Variants in PDGFD observed in about 807,000 individuals in gnomAD.
PDGFD encodes platelet derived growth factor D.
A neutral mutation model predicts 44.7 loss-of-function variants in PDGFD; 30 were observed. The ratio of observed to expected loss-of-function variants is 0.67; its 90% CI spans 0.50 to 0.91. PDGFD has a LOEUF of 0.91. Ranked by LOEUF, PDGFD falls within the 40% of genes least tolerant of loss-of-function variation. The pLI is 0.00. For missense variants in PDGFD, 445 were observed against 457.8 expected, an observed-to-expected ratio of 0.97 and a Z score of 0.25; for synonymous variants, 173 against 168.4, an observed-to-expected ratio of 1.03 and a Z score of -0.21.
intron 3 of PDGFD, among the ~76,000 whole-genome samples, chr11:103,956,556 T>C (rs1591093696): frequency 6.6e-6 from 1 of 150,840 alleles, no homozygotes; most frequent in African/African-American, 2.5e-5. Context: ...GCACGATTTA[T>C]AGTCCTTTGG....
intron 1 of PDGFD, among the ~76,000 whole-genome samples, chr11:104,103,144 G>T (rs1861419171): frequency 6.6e-6 from 1 of 152,072 alleles, no homozygotes; most frequent in African/African-American, 2.4e-5. Context: ...CTGTGACTTA[G>T]TTTTCCCCAT....
chr11:104,119,571 TTAATA>T (rs1314215851), intron 1 of PDGFD, among the ~76,000 whole-genome samples: 1 of 92,206 alleles, frequency 1.1e-5, no homozygotes, highest in Non-Finnish European at 1.9e-5. Flanking sequence ...ATATAATATA[TTAATA>T]TAATATATTG....
At chr11:103,961,291 A>C (rs2052762166) in intron 3 of PDGFD, among the ~76,000 whole-genome samples, 1 of 152,186 alleles carries the variant, frequency 6.6e-6, no homozygotes, top group African/African-American at 2.4e-5. Context: ...AGATGTTAAT[A>C]AATATTTGTA....
At position 104,089,822 on chromosome 11, in the gene PDGFD, CAATT is replaced by C. The variant is rs373544227; in HGVS notation, c.124+73978_124+73981del. On this transcript the variant is annotated intron_variant, in intron 1 of 6. Transcript: ENST00000393158. The stretch of plus-strand genomic sequence containing the variant: ...CTCCAAGCTACATGTCAAACATAAT[CAATT>C]AGTCACAACAAATTGAACACTACTT... 8.0e-4 allele frequency among the ~76,000 whole-genome samples: 122 copies of C among 152,262 alleles called. 2 individuals carry two copies. Among genetic ancestry groups the C allele is most frequent in the African/African-American group, 2.8e-3 (115 of 41,564 alleles).
chr11:104,103,762 C>A (rs1054376293), intron 1 of PDGFD, among the ~76,000 whole-genome samples: 2 of 151,692 alleles, frequency 1.3e-5, no homozygotes, highest in African/African-American at 4.8e-5. Context: ...TACTGCCAGT[C>A]ATAAAAAAAG....
intron 1 of PDGFD, among the ~76,000 whole-genome samples, chr11:104,047,090 A>C (rs1229515885): frequency 6.8e-6 from 1 of 147,174 alleles, no homozygotes; most frequent in African/African-American, 2.5e-5. Context: ...TTATGGCTGC[A>C]TAGTATTCCA....
chr11:103,989,030 ATTAT>A (rs1859411893), intron 3 of PDGFD, among the ~76,000 whole-genome samples: 1 of 152,022 alleles, frequency 6.6e-6, no homozygotes, highest in African/African-American at 2.4e-5. Context: ...TCTTATTATT[ATTAT>A]TTTAGTATAT....
intron 3 of PDGFD, among the ~76,000 whole-genome samples, chr11:103,977,423 C>T (rs974646877): frequency 6.6e-6 from 1 of 152,110 alleles, no homozygotes; most frequent in African/African-American, 2.4e-5. Context: ...CCCTGATGAA[C>T]ATCGATGCAA....
At chr11:103,911,768 T>C (rs936911713) in intron 6 of PDGFD, among the ~76,000 whole-genome samples, 2 of 151,702 alleles carry the variant, frequency 1.3e-5, no homozygotes, top group Non-Finnish European at 2.9e-5. Flanking sequence ...GAATAATCAG[T>C]GTAGAGAAGA....
At chr11:103,941,012 C>T (rs1376873685) in intron 5 of PDGFD, among the ~76,000 whole-genome samples, 1 of 152,072 alleles carries the variant, frequency 6.6e-6, no homozygotes, top group Non-Finnish European at 1.5e-5. Flanking sequence ...GTAATATATT[C>T]CATCCCACAA....
chr11:104,095,166 T>C lies in PDGFD; in HGVS notation c.124+68638A>G, dbSNP rs368871301. Among the ~76,000 whole-genome samples the C allele has an allele frequency of 2.0e-5, 3 of 152,282 alleles. No individual in the cohort carries two copies. The East Asian group carries it at 5.8e-4, about 29-fold the overall frequency. Reference sequence around the variant, plus strand: ...CTCTGATCACCTACCAAACCTCAATTAGAATCCCCAGTATTCTTCCCTTAT... The same window carrying C: ...CTCTGATCACCTACCAAACCTCAATCAGAATCCCCAGTATTCTTCCCTTAT... On this transcript the variant is annotated intron_variant, in intron 1 of 6. Coordinates refer to ENST00000393158, the MANE Select transcript of PDGFD (RefSeq NM_025208.5).
chr11:104,101,941 G>A (rs574637574), intron 1 of PDGFD, among the ~76,000 whole-genome samples: 26 of 152,150 alleles, frequency 1.7e-4, no homozygotes, highest in African/African-American at 5.3e-4. Context: ...ATGGATTAAA[G>A]ACTTACATGT....
chr11:103,966,244 T>C (rs1275896690), intron 3 of PDGFD, among the ~76,000 whole-genome samples: 1 of 152,186 alleles, frequency 6.6e-6, no homozygotes, highest in African/African-American at 2.4e-5. Flanking sequence ...CTGCATTTAA[T>C]CACAGTGTCA....
At chr11:103,944,362 A>G (rs977220376) in intron 4 of PDGFD, among the ~76,000 whole-genome samples, 1 of 152,142 alleles carries the variant, frequency 6.6e-6, no homozygotes, top group African/African-American at 2.4e-5. Context: ...AAGCCTGGAA[A>G]GGATTATGTA....
At chr11:103,910,688 C>T (rs4755002) in intron 6 of PDGFD, among the ~76,000 whole-genome samples, 69,643 of 152,010 alleles carry the variant, frequency 0.46, 16,069 homozygotes, top group South Asian at 0.49. Flanking sequence ...GGACAGACAC[C>T]GAGCTAGCCG....
intron 1 of PDGFD, among the ~76,000 whole-genome samples, chr11:104,144,854 C>T (rs753579791): frequency 2.0e-4 from 30 of 152,132 alleles, no homozygotes; most frequent in Non-Finnish European, 3.4e-4. Context: ...ATGGCCTAAC[C>T]TACCTCTAAG....
intron 1 of PDGFD, among the ~76,000 whole-genome samples, chr11:104,115,495 CAT>C (rs1861622614): frequency 6.6e-6 from 1 of 151,796 alleles, no homozygotes; most frequent in African/African-American, 2.4e-5. Context: ...CTGGTATAAA[CAT>C]GTGTGCGCAA....
At position 104,066,810 on chromosome 11, in the gene PDGFD, T is replaced by C. The variant is rs548468691; in HGVS notation, c.125-66555A>G. ...CATAGTTCATACGATCAAATCACAC[T>C]CGGCCTTTGAAAATTAGCTTCAATA... On this transcript the variant is annotated intron_variant, in intron 1 of 6. Transcript: ENST00000393158. Among the ~76,000 whole-genome samples, 3 of 152,270 alleles carry C rather than the reference T, an allele frequency of 2.0e-5. No individual in the cohort carries two copies. The South Asian group carries it at 6.2e-4, about 32-fold the overall frequency.
At chr11:104,067,766 T>TG (rs2134418663) in intron 1 of PDGFD, among the ~76,000 whole-genome samples, 1 of 152,252 alleles carries the variant, frequency 6.6e-6, no homozygotes, top group Non-Finnish European at 1.5e-5. Context: ...TTTCTAGTCT[T>TG]GAATTTCCTG....
Sources: allele counts gnomAD v4.1 joint callset (sites outside exome capture counted in the v4.1 genomes callset), GRCh38; gene constraint gnomAD v4.1.1; transcripts MANE v1.5; gene names NCBI Gene and HGNC (gene_info 2026-07-23, HGNC 2026-07-21).